The following ODR4 variants were observed in gnomAD, a reference collection of about 807,000 sequenced individuals.
ODR4 encodes the protein odr-4 GPCR localization factor homolog, also known as protein odr-4 homolog.
Under a neutral mutation model 60.2 loss-of-function variants are expected in ODR4, and 47 were observed. The observed-to-expected ratio is 0.78, with a 90% CI of 0.62 to 1.00. The LOEUF is 1.00. Among genes scored for constraint, ODR4 ranks in the 50% least tolerant of loss-of-function variants. ODR4 has a pLI of 0.00. For synonymous variants in ODR4, 178 were observed against 175.5 expected, an observed-to-expected ratio of 1.01 and a Z score of -0.11; for missense variants, 488 against 530.8, an observed-to-expected ratio of 0.92 and a Z score of 0.79.
intron 12 of ODR4, among the ~76,000 whole-genome samples, chr1:186,411,015 C>CA (rs573542063): frequency 0.04 from 5,196 of 130,072 alleles, 118 homozygotes; most frequent in Non-Finnish European, 0.056. Flanking sequence ...AACTCTGTCT[C>CA]AAAAAAAAAA....
intron 9 of ODR4, 37 bp downstream of exon 9, chr1:186,394,052 G>A (rs1344304181): frequency 9.0e-7 from 1 of 1,106,892 alleles, no homozygotes; most frequent in East Asian, 2.6e-5. Context: ...ATATTTATTA[G>A]CATAACCATA....
rs1303271026 is a variant in ODR4, at chr1:186,407,298, AGATGG to A, written c.1186+1031_1186+1035del. 1.2e-3 allele frequency among the ~76,000 whole-genome samples: 178 copies of A among 152,174 alleles called. 1 individual carries two copies. Among genetic ancestry groups the A allele is most frequent in the Non-Finnish European group, 2.1e-3 (142 of 67,978 alleles). ...ATATTTCTAAAGATATAACTGTAGC[AGATGG>A]AAAGTATCTGCTTTTTGAAAGTAGA... On this transcript the variant is annotated intron_variant, in intron 12 of 13. Coordinates refer to ENST00000287859, the MANE Select transcript of ODR4 (RefSeq NM_017847.6).
chr1:186,426,924 G>A, the ODR4 span, among the ~76,000 whole-genome samples: 5 of 152,082 alleles, frequency 3.3e-5, no homozygotes, highest in African/African-American at 2.4e-5. Flanking sequence ...CACAATAGCA[G>A]TATGTCTAAA....
In ODR4 at chr1:186,418,283, TTC is replaced by T. The variant is rs1661655180; in HGVS notation, c.1297+631_1297+632del. On this transcript the variant is annotated intron_variant, in intron 13 of 13. Coordinates refer to ENST00000287859, the MANE Select transcript of ODR4 (RefSeq NM_017847.6). ...GTCTGGACTACTATGGTCATTTTCT[TTC>T]TTTCTTTTTTTTTTTTTTTTTTTGA... is the stretch of plus-strand genomic sequence containing the variant. Among the ~76,000 whole-genome samples, 3 of 140,118 alleles carry T rather than the reference TTC, an allele frequency of 2.1e-5. No individual in the cohort carries two copies. In the South Asian group the frequency reaches 6.5e-4, roughly 30 times the overall value. 91.9% of individuals were successfully genotyped at this position (140,118 alleles called of 152,430 possible). A position where few individuals can be genotyped will look rare whatever the true frequency, so the allele number is the denominator to read the frequency against.
intron 11 of ODR4, among the ~76,000 whole-genome samples, chr1:186,404,422 A>G (rs1298106943): frequency 3.3e-5 from 5 of 152,076 alleles, no homozygotes; most frequent in Admixed American, 6.5e-5. Context: ...TTAGCTTGTT[A>G]TTTTTCAGAT....
intron 2 of ODR4, among the ~76,000 whole-genome samples, chr1:186,380,642 A>C (rs1014022774): frequency 6.6e-6 from 1 of 150,486 alleles, no homozygotes; most frequent in Non-Finnish European, 1.5e-5. Context: ...AGGAGAGTGC[A>C]CTTTGGCCCA....
At chr1:186,432,785 A>ATT in the ODR4 span, among the ~76,000 whole-genome samples, 5 of 142,056 alleles carry the variant, frequency 3.5e-5, no homozygotes, top group Non-Finnish European at 3.1e-5. Context: ...AATCTGGCAG[A>ATT]TTTTTTTTTT....
At chr1:186,397,120 G>A (rs1042548271) in intron 9 of ODR4, among the ~76,000 whole-genome samples, 1 of 152,140 alleles carries the variant, frequency 6.6e-6, no homozygotes, top group Non-Finnish European at 1.5e-5. Context: ...CCATCTTAAA[G>A]TTTAAATTGT....
At chr1:186,383,303 A>G (rs1346162306) in intron 3 of ODR4, 147 bp downstream of exon 3, 1 of 870,260 alleles carries the variant, frequency 1.1e-6, no homozygotes, top group Non-Finnish European at 1.7e-6. Context: ...GTCTAGGAGG[A>G]TACTGTTGGC....
At position 186,390,789 on chromosome 1, in the gene ODR4, A is replaced by G. The variant is rs774829162; in HGVS notation, c.553A>G (p.Ile185Val). ...GCTTTCTTTAGAGTGTACAGTTCAC[A>G]TTAATATTCACATCCCACTTTCTGC... ...SWLSLECTVH[I>V]NIHIPLSATS... is the part of the protein sequence containing the mutation. The change falls in exon 7 of 14, where the codon ATT becomes GTT. Residue 185 changes from isoleucine to valine, a missense_variant. Coordinates refer to ENST00000287859, the MANE Select transcript of ODR4 (RefSeq NM_017847.6). 2 of 1,612,896 alleles carry G rather than the reference A, an allele frequency of 1.2e-6. No individual in the cohort carries two copies. The highest frequency in any genetic ancestry group is 1.7e-5 in the Admixed American group (1 of 59,996).
intron 9 of ODR4, among the ~76,000 whole-genome samples, chr1:186,396,291 A>G (rs1360617270): frequency 6.6e-6 from 1 of 152,184 alleles, no homozygotes; most frequent in African/African-American, 2.4e-5. Flanking sequence ...ACCTAAAAGG[A>G]ATGAGTCAGA....
intron 11 of ODR4, among the ~76,000 whole-genome samples, chr1:186,405,871 G>A (rs1406938659): frequency 6.6e-6 from 1 of 152,046 alleles, no homozygotes; most frequent in African/African-American, 2.4e-5. Context: ...TTTTTCATAG[G>A]AGTATCATTT....
intron 7 of ODR4, 84 bp downstream of exon 7, chr1:186,390,935 C>T (rs1660445715): frequency 7.6e-7 from 1 of 1,317,914 alleles, no homozygotes; most frequent in African/African-American, 1.5e-5. Flanking sequence ...ATTCATTTTA[C>T]AATCCTCAAA....
At chr1:186,405,458 A>C (rs985720342) in intron 11 of ODR4, among the ~76,000 whole-genome samples, 2 of 152,252 alleles carry the variant, frequency 1.3e-5, no homozygotes, top group African/African-American at 4.8e-5. Flanking sequence ...GACATCAAGG[A>C]CAAAATTGTC....
At chr1:186,434,977 C>T in the ODR4 span, among the ~76,000 whole-genome samples, 7 of 152,056 alleles carry the variant, frequency 4.6e-5, no homozygotes, top group African/African-American at 1.2e-4. Context: ...AGGGAGTGAA[C>T]GCTCTAAGAA....
rs745687327 is a variant in ODR4 at position 186,386,004 on chromosome 1, CA to C, written c.252del (p.Gly86AspfsTer3). Reference protein sequence around the residue: ...EHACQVSRMLPGGLLVLGVFI... With the variant: ...EHACQVSRMLXGGLLVLGVFI... ...TATTTTTAGGTATCCAGAATGCTACCAGGGGGACTTTTAGTTCTTGGAGTAT... is the reference window on the plus strand; with the variant it reads ...TATTTTTAGGTATCCAGAATGCTACCGGGGGACTTTTAGTTCTTGGAGTAT... On this transcript the variant is annotated frameshift_variant, in exon 4 of 14. Transcript: ENST00000287859. LOFTEE classifies it high-confidence loss of function. 12 of 1,595,258 alleles carry C rather than the reference CA, an allele frequency of 7.5e-6. No individual in the cohort carries two copies. Among genetic ancestry groups the C allele is most frequent in the Admixed American group, 1.7e-5 (1 of 58,318 alleles).
intron 8 of ODR4, among the ~76,000 whole-genome samples, chr1:186,392,500 G>A (rs917914357): frequency 6.6e-6 from 1 of 152,188 alleles, no homozygotes; most frequent in Admixed American, 6.5e-5. Flanking sequence ...CATGGATGGA[G>A]CTGGAGGCCT....
chr1:186,395,307 G>T (rs1660628909), intron 9 of ODR4, among the ~76,000 whole-genome samples: 1 of 152,030 alleles, frequency 6.6e-6, no homozygotes, highest in African/African-American at 2.4e-5. Context: ...GTTAGCCAGG[G>T]TGGTCTCAAT....
intron 12 of ODR4, among the ~76,000 whole-genome samples, chr1:186,409,318 A>T (rs1385064483): frequency 6.6e-6 from 1 of 152,242 alleles, no homozygotes; most frequent in Non-Finnish European, 1.5e-5. Flanking sequence ...AATTCTCATG[A>T]AACCGTTACA....
Sources: gnomAD v4.1 joint callset for allele counts (sites outside exome capture counted in the v4.1 genomes callset) on GRCh38, gnomAD v4.1.1 for gene constraint, MANE v1.5 for transcripts, NCBI Gene and HGNC (gene_info 2026-07-23, HGNC 2026-07-21) for gene names.